The following G3BP2 variants were observed in gnomAD, a reference collection of about 807,000 sequenced individuals.
The protein encoded by G3BP2 is G3BP stress granule assembly factor 2.
In G3BP2, 11 loss-of-function variants were observed where a neutral mutation model predicts 56.7. The ratio of observed to expected loss-of-function variants is 0.19; its 90% CI spans 0.12 to 0.32. The LOEUF (loss-of-function observed/expected upper bound fraction) is 0.32, where lower values mean the gene tolerates loss of function less well. G3BP2 is among the 10% of genes least tolerant of loss of function. The pLI, the probability that G3BP2 is intolerant of heterozygous loss-of-function variation, is 1.00. For synonymous variants in G3BP2, 165 were observed against 191.6 expected (o/e 0.86, Z 1.15); for missense variants, 340 against 610.9 (o/e 0.56, Z 4.67).
chr4:75,654,917 C>T, intron 7 of G3BP2, 149 bp downstream of exon 7: 1 of 606,954 alleles, frequency 1.6e-6, no homozygotes. Context: ...ATAACATTTT[C>T]TCAGGTAACA....
chr4:75,695,030 C>G, intron 3 of G3BP2: 4 of 627,786 alleles, frequency 6.4e-6, no homozygotes, highest in Non-Finnish European at 7.9e-6. Context: ...GAGCCAGTAT[C>G]CAGAAGACTC....
upstream of G3BP2, chr4:75,673,576 A>G (rs750504320): frequency 1.1e-5 from 13 of 1,231,784 alleles, no homozygotes; most frequent in Non-Finnish European, 1.3e-5. Flanking sequence ...GCGCTCGCAC[A>G]CGCTCGCGCC....
At position 75,673,401 on chromosome 4, in the gene G3BP2, G is replaced by C. The variant is rs1733675068; in HGVS notation, c.-218C>G. The C allele has an allele frequency of 2.4e-6, 3 of 1,232,140 alleles. No individual in the cohort carries two copies. The highest frequency in any genetic ancestry group is 3.1e-4 in the Middle Eastern group (1 of 3,230). The allele number at this position is 1,232,140 out of a possible 1,614,324, so 76.3% of individuals were successfully genotyped here. On this transcript the variant is annotated 5_prime_UTR_variant, in exon 1 of 12. Coordinates refer to ENST00000359707, the MANE Select transcript of G3BP2 (RefSeq NM_203505.3). ...GCCAGGCGCTGCGACGTGCGACAAG[G>C]ACCACGGACGTCCCGCCCCCTTTGC...
chr4:75,652,024 T>G (rs1235636499), intron 8 of G3BP2, among the ~76,000 whole-genome samples: 1 of 152,236 alleles, frequency 6.6e-6, no homozygotes, highest in African/African-American at 2.4e-5. Flanking sequence ...GAAGGATTAT[T>G]AAATCAAGTA....
chr4:75,682,584 G>A (rs1282360703), intron 3 of G3BP2, among the ~76,000 whole-genome samples: 2 of 152,152 alleles, frequency 1.3e-5, no homozygotes, highest in South Asian at 2.1e-4. Context: ...AAACTATTCA[G>A]GGTAGTAAAA....
intron 11 of G3BP2, 54 bp downstream of exon 11, chr4:75,646,284 A>T: frequency 1.2e-6 from 1 of 801,814 alleles, no homozygotes; most frequent in Non-Finnish European, 2.1e-6. Context: ...ACCCCAAATT[A>T]ATATATACAA....
At chr4:75,696,590 C>A (rs1338542242) in intron 3 of G3BP2, among the ~76,000 whole-genome samples, 1 of 152,140 alleles carries the variant, frequency 6.6e-6, no homozygotes, top group East Asian at 1.9e-4. Context: ...TTATGTTCTT[C>A]CCTTCTCTTT....
At chr4:75,655,718 C>A in intron 6 of G3BP2, 50 bp downstream of exon 6, 1 of 929,578 alleles carries the variant, frequency 1.1e-6, no homozygotes, top group Non-Finnish European at 1.7e-6. Flanking sequence ...CAGAAACCAC[C>A]TTGCTGACAT....
At chr4:75,675,589 T>C (rs1733846104), upstream of G3BP2, among the ~76,000 whole-genome samples, 1 of 152,216 alleles carries the variant, frequency 6.6e-6, no homozygotes, top group African/African-American at 2.4e-5. Context: ...GGTCAGGAGT[T>C]TGAGACCAGC....
At chr4:75,678,143 T>TTTG (rs34746702), upstream of G3BP2, among the ~76,000 whole-genome samples, 11,929 of 151,826 alleles carry the variant, frequency 0.079, 623 homozygotes, top group Non-Finnish European at 0.11. Context: ...GAAGGGTGGT[T>TTTG]TTGTTGTTGT....
intron 7 of G3BP2, 58 bp from the exon 8 acceptor site, chr4:75,654,139 T>A: frequency 1.3e-6 from 1 of 792,326 alleles, no homozygotes; most frequent in Admixed American, 2.0e-5. Context: ...AACATTCCTA[T>A]AGGGAAACTT....
chr4:75,675,097 T>C (rs1733817459), upstream of G3BP2, among the ~76,000 whole-genome samples: 1 of 152,130 alleles, frequency 6.6e-6, no homozygotes, highest in Non-Finnish European at 1.5e-5. Flanking sequence ...TACCCAGGAC[T>C]ACACTGCTAC....
chr4:75,719,896 A>C (rs1373446332), intron 3 of G3BP2, among the ~76,000 whole-genome samples: 1 of 151,806 alleles, frequency 6.6e-6, no homozygotes, highest in African/African-American at 2.4e-5. Context: ...GCCTGGTCTC[A>C]TTTCTTATCT....
Position 75,655,107 on chromosome 4 carries a change from G to A in G3BP2, c.685C>T (p.Pro229Ser), listed in dbSNP as rs149145617. ...EELEEKSTTP[P>S]PAEPVSLPQE... ...GGCAGAGAAACAGGTTCTGCCGGAG[G>A]AGGAGTAGTAGATTTCTCCTCTAGT... Residue 229 changes from proline to serine, a missense_variant, in exon 7 of 12, where the codon CCT becomes TCT. Transcript: ENST00000359707. 2 of 1,613,430 alleles carry A rather than the reference G, an allele frequency of 1.2e-6. No individual in the cohort carries two copies. Among genetic ancestry groups the A allele is most frequent in the Non-Finnish European group, 1.7e-6 (2 of 1,179,590 alleles).
In G3BP2 at chr4:75,642,945, C is replaced by T. The variant is rs987149204; in HGVS notation, c.*2485G>A. The T allele has an allele frequency of 1.3e-5, 2 of 152,496 alleles. No individual in the cohort carries two copies. Among genetic ancestry groups the T allele is most frequent in the Non-Finnish European group, 2.9e-5 (2 of 67,982 alleles). 9.4% of individuals were successfully genotyped at this position (152,496 alleles called of 1,614,324 possible). A position where few individuals can be genotyped will look rare whatever the true frequency, so the allele number is the denominator to read the frequency against. ...AGATGGTAATCCATTGTCTTCTATA[C>T]CTACTAAAGCCAAGATGGTAAAGCC... On this transcript the variant is annotated 3_prime_UTR_variant, in exon 12 of 12. Coordinates refer to ENST00000359707, the MANE Select transcript of G3BP2 (RefSeq NM_203505.3).
intron 3 of G3BP2, among the ~76,000 whole-genome samples, chr4:75,709,419 CAAAAAAA>C (rs34603185): frequency 4.2e-5 from 2 of 47,402 alleles, no homozygotes; most frequent in Non-Finnish European, 7.1e-5. Flanking sequence ...GACTCCGTCT[CAAAAAAA>C]AAAAAAAAAA....
At chr4:75,688,283 T>C (rs565385218) in intron 3 of G3BP2, among the ~76,000 whole-genome samples, 3 of 152,308 alleles carry the variant, frequency 2.0e-5, no homozygotes, top group South Asian at 4.2e-4. Flanking sequence ...TCTCAAGTGT[T>C]CCACCTGCCT....
At chr4:75,667,589 T>G (rs1733153715) in intron 1 of G3BP2, among the ~76,000 whole-genome samples, 1 of 152,090 alleles carries the variant, frequency 6.6e-6, no homozygotes, top group Non-Finnish European at 1.5e-5. Context: ...CTTTTACTTG[T>G]CAAATGAAAA....
At chr4:75,654,142 G>A in intron 7 of G3BP2, 61 bp from the exon 8 acceptor site, 1 of 778,824 alleles carries the variant, frequency 1.3e-6, no homozygotes, top group Non-Finnish European at 2.3e-6. Context: ...ATTCCTATAG[G>A]GAAACTTCCA....
Sources: gnomAD v4.1 joint callset for allele counts (sites outside exome capture counted in the v4.1 genomes callset) on GRCh38, gnomAD v4.1.1 for gene constraint, MANE v1.5 for transcripts, NCBI Gene and HGNC (gene_info 2026-07-23, HGNC 2026-07-21) for gene names.